The following CHD7 variants were observed in gnomAD, a reference collection of about 807,000 sequenced individuals.
CHD7 encodes ATP-dependent chromatin remodeler CHD7.
In CHD7, 24 loss-of-function variants were observed where a neutral mutation model predicts 307.3. The observed-to-expected ratio is 0.08, with a 90% CI of 0.06 to 0.11. CHD7 has a LOEUF of 0.11. Among genes scored for constraint, CHD7 ranks in the 10% least tolerant of loss-of-function variants. The pLI is 1.00. For missense variants in CHD7, 3,106 were observed against 3,727.1 expected (o/e 0.83, Z 4.34); for synonymous variants, 1,363 against 1,349.9 (o/e 1.01, Z -0.21).
At chr8:60,813,197 T>C (rs746930546) in intron 7 of CHD7, among the ~76,000 whole-genome samples, 2 of 152,226 alleles carry the variant, frequency 1.3e-5, no homozygotes, top group Non-Finnish European at 2.9e-5. Context: ...TATCCCCTTA[T>C]TGGTAATTGT....
At chr8:60,778,115 A>G (rs1432412274) in intron 2 of CHD7, among the ~76,000 whole-genome samples, 1 of 151,044 alleles carries the variant, frequency 6.6e-6, no homozygotes. Flanking sequence ...AGGGGGGGAC[A>G]TGGCTGGGCC....
At chr8:60,828,504 G>C (rs73688303) in intron 13 of CHD7, among the ~76,000 whole-genome samples, 159 bp from the exon 14 acceptor site, 146 of 152,348 alleles carry the variant, frequency 9.6e-4, no homozygotes, top group African/African-American at 3.3e-3. Flanking sequence ...ACCTGACACA[G>C]AAATCGTGTT....
chr8:60,795,076 A>G lies in CHD7; in HGVS notation c.2187A>G (p.Lys729=), dbSNP rs1405754910. The change falls in exon 4 of 38, where the codon AAA becomes AAG. Residue 729 remains lysine, a synonymous_variant. Transcript: ENST00000423902. ...TEGSENSDLD[K]TPPPSPPPEE... ...GTTCTGAAAATTCAGACTTAGACAA[A>G]ACACCCCCACCATCTCCTCCTCCTG... is the stretch of plus-strand genomic sequence containing the variant. 6.2e-7 allele frequency: 1 copy of G among 1,613,826 alleles called. No individual in the cohort carries two copies. The highest frequency in any genetic ancestry group is 1.7e-5 in the Admixed American group (1 of 60,020).
chr8:60,837,716 T>C lies in CHD7; in HGVS notation c.4234T>C (p.Tyr1412His). 1 of 1,600,708 alleles carries C rather than the reference T, an allele frequency of 6.2e-7. No individual in the cohort carries two copies. The highest frequency in any genetic ancestry group is 8.5e-7 in the Non-Finnish European group (1 of 1,172,844). The change falls in exon 18 of 38, where the codon TAC becomes CAC. Residue 1412 changes from tyrosine to histidine, a missense_variant. By Grantham distance (83) the Tyr-to-His change is moderately conservative. Coordinates refer to ENST00000423902, the MANE Select transcript of CHD7 (RefSeq NM_017780.4). Reference protein sequence around the residue: ...RIGQSKSVKIYRLITRNSYER... With the variant: ...RIGQSKSVKIHRLITRNSYER... ...AGGACAGAGCAAATCTGTGAAAATC[T>C]ACAGGCTGATTACAAGAAATTCCTA...
chr8:60,737,947 C>G (rs1438549554), intron 1 of CHD7, among the ~76,000 whole-genome samples: 2 of 152,160 alleles, frequency 1.3e-5, no homozygotes, highest in African/African-American at 4.8e-5. Context: ...GTGCCTGGAT[C>G]ATAGTAGGTG....
chr8:60,828,973 G>A (rs758623754), intron 14 of CHD7, among the ~76,000 whole-genome samples, 167 bp downstream of exon 14: 1 of 152,102 alleles, frequency 6.6e-6, no homozygotes, highest in African/African-American at 2.4e-5. Context: ...TCATCATAAA[G>A]GTTTTCTTCT....
chr8:60,759,491 C>A (rs891146487), intron 2 of CHD7, among the ~76,000 whole-genome samples: 14 of 150,534 alleles, frequency 9.3e-5, no homozygotes, highest in African/African-American at 3.4e-4. Context: ...CTCTCTCCCT[C>A]TCCCTCTCCC....
intron 4 of CHD7, among the ~76,000 whole-genome samples, chr8:60,798,696 A>G (rs1278049215): frequency 6.6e-6 from 1 of 152,172 alleles, no homozygotes; most frequent in African/African-American, 2.4e-5. Flanking sequence ...TAATTCTTAG[A>G]AAAAATTTTG....
At chr8:60,791,836 G>A (rs536980230) in intron 3 of CHD7, among the ~76,000 whole-genome samples, 1 of 152,314 alleles carries the variant, frequency 6.6e-6, no homozygotes, top group South Asian at 2.1e-4. Flanking sequence ...TAGTGCTTAG[G>A]AATGTCGATG....
intron 8 of CHD7, 91 bp downstream of exon 8, chr8:60,816,592 G>C: frequency 1.3e-6 from 1 of 745,870 alleles, no homozygotes; most frequent in Admixed American, 2.8e-5. Flanking sequence ...AGAAAAACTA[G>C]TTAGTCTCAT....
At chr8:60,788,301 A>G (rs1172565045) in intron 3 of CHD7, among the ~76,000 whole-genome samples, 4 of 151,098 alleles carry the variant, frequency 2.6e-5, no homozygotes, top group Admixed American at 2.0e-4. Context: ...CCAGACCTAC[A>G]GAGACTTTTT....
intron 5 of CHD7, among the ~76,000 whole-genome samples, chr8:60,801,213 T>C (rs1357644414): frequency 6.6e-6 from 1 of 152,236 alleles, no homozygotes; most frequent in Non-Finnish European, 1.5e-5. Context: ...AGAAAAGTTA[T>C]ATTTTTGACT....
chr8:60,832,630 GT>G (rs1804571229), intron 15 of CHD7, among the ~76,000 whole-genome samples: 1 of 152,190 alleles, frequency 6.6e-6, no homozygotes, highest in Non-Finnish European at 1.5e-5. Context: ...ATACAAAAGG[GT>G]TTGAATGCTA....
chr8:60,757,428 G>T (rs1475034367), intron 2 of CHD7, among the ~76,000 whole-genome samples: 1 of 152,078 alleles, frequency 6.6e-6, no homozygotes, highest in African/African-American at 2.4e-5. Flanking sequence ...CTCTTTTTCA[G>T]TTTGAATACA....
In CHD7 at chr8:60,854,403, C is replaced by T. The variant is rs1805613376; in HGVS notation, c.6816C>T (p.Ser2272=). 1.2e-6 allele frequency: 2 copies of T among 1,613,654 alleles called. No homozygotes were observed. Among genetic ancestry groups the T allele is most frequent in the African/African-American group, 2.7e-5 (2 of 75,036 alleles). ...VSRGKNFDEE[S]NASMSTARDE... ...GAGGGAAGAATTTTGATGAAGAAAG[C>T]AATGCTTCCATGAGCACTGCTAGAG... The change falls in exon 32 of 38, where the codon AGC becomes AGT. Residue 2272 remains serine (S), a synonymous_variant. Coordinates refer to ENST00000423902, the MANE Select transcript of CHD7 (RefSeq NM_017780.4).
At chr8:60,854,554 T>G (rs1409150924) in intron 32 of CHD7, 31 bp downstream of exon 32, 1 of 1,557,800 alleles carries the variant, frequency 6.4e-7, no homozygotes, top group Non-Finnish European at 8.7e-7. Flanking sequence ...GTTGTTTTGC[T>G]GACCAAAAAG....
chr8:60,853,534 T>A (rs983796863), intron 31 of CHD7, 34 bp downstream of exon 31: 2 of 1,466,478 alleles, frequency 1.4e-6, no homozygotes, highest in Non-Finnish European at 1.8e-6. Context: ...CTCCTGACCC[T>A]GCAGCAGCTG....
Position 60,865,618 on chromosome 8 carries a change from C to T in CHD7, c.8679C>T (p.Phe2893=). The T allele has an allele frequency of 6.2e-7, 1 of 1,613,524 alleles. No homozygotes were observed. The highest frequency in any genetic ancestry group is 8.5e-7 in the Non-Finnish European group (1 of 1,179,472). ...CAAACCCGCTAGCCTTCAACCCTTT[C>T]CTCCTGTCCACAATGGCCCCGGGCC... ...LPSNPLAFNP[F]LLSTMAPGLF... The change falls in exon 38 of 38, where the codon TTC becomes TTT. Residue 2893 remains phenylalanine (F), a synonymous_variant. Coordinates refer to ENST00000423902, the MANE Select transcript of CHD7 (RefSeq NM_017780.4). The surrounding 1 kb of genome is among the most constrained non-coding windows in gnomAD (Gnocchi z 4.3).
intron 2 of CHD7, among the ~76,000 whole-genome samples, chr8:60,766,723 G>A (rs1315320184): frequency 2.0e-5 from 3 of 152,238 alleles, no homozygotes; most frequent in African/African-American, 7.2e-5. Flanking sequence ...TGCTACTGGT[G>A]CAGTAACAGT....
Sources: gnomAD v4.1 joint callset for allele counts (sites outside exome capture counted in the v4.1 genomes callset) on GRCh38, gnomAD v4.1.1 for gene constraint, Gnocchi (gnomAD v3.1) non-coding constraint, MANE v1.5 for transcripts, NCBI Gene and HGNC (gene_info 2026-07-23, HGNC 2026-07-21) for gene names.